KLF12: variants seen among roughly 807,000 people sequenced by gnomAD.
KLF12 encodes the protein KLF transcription factor 12.
In KLF12, 9 loss-of-function variants were observed where a neutral mutation model predicts 37.8. The ratio of observed to expected loss-of-function variants is 0.24; its 90% confidence interval spans 0.14 to 0.42. The LOEUF is 0.42. KLF12 is among the 10% of genes least tolerant of loss of function. The pLI is 1.00. For synonymous variants in KLF12, 208 were observed against 202.1 expected (o/e 1.03, Z -0.25); for missense variants, 411 against 516.0 (o/e 0.80, Z 1.97).
chr13:73,853,696 G>A (rs139263642), intron 3 of KLF12, among the ~76,000 whole-genome samples: 152 of 150,780 alleles, frequency 1.0e-3, no homozygotes, highest in African/African-American at 3.4e-3. Flanking sequence ...CTGAGATTGC[G>A]CCACTGCACT....
intron 3 of KLF12, among the ~76,000 whole-genome samples, chr13:73,893,339 T>G (rs1887602572): frequency 6.6e-6 from 1 of 151,622 alleles, no homozygotes; most frequent in Admixed American, 6.6e-5. Flanking sequence ...AGTCTCATTG[T>G]TTTAGAATGC....
At chr13:74,093,430 T>C (rs938984266) in intron 1 of KLF12, among the ~76,000 whole-genome samples, 1 of 152,170 alleles carries the variant, frequency 6.6e-6, no homozygotes, top group Non-Finnish European at 1.5e-5. Context: ...ATTTCCAACA[T>C]TGTGAGCACA....
the KLF12 span, among the ~76,000 whole-genome samples, chr13:74,290,644 A>G: frequency 3.3e-5 from 5 of 152,264 alleles, no homozygotes; most frequent in Admixed American, 6.5e-5. Flanking sequence ...CGTGAATCTC[A>G]CGTATTATTG....
At chr13:74,260,574 TAAATAA>T in the KLF12 span, among the ~76,000 whole-genome samples, 1 of 100,318 alleles carries the variant, frequency 1.0e-5, no homozygotes, top group Admixed American at 9.8e-5. Flanking sequence ...TAAAATAAAA[TAAATAA>T]AATAAAATAA....
chr13:74,048,273 C>A (rs149415109), intron 1 of KLF12, among the ~76,000 whole-genome samples: 46 of 152,292 alleles, frequency 3.0e-4, no homozygotes, highest in Middle Eastern at 3.4e-3. Flanking sequence ...TAAGCAGCCA[C>A]ACACACAATG....
In KLF12 at chr13:73,968,719, T is replaced by C. The variant is rs146803083; in HGVS notation, c.34-24649A>G. 9.8e-5 allele frequency among the ~76,000 whole-genome samples: 15 copies of C among 152,328 alleles called. 2 individuals carry two copies. The East Asian group carries it at 2.9e-3, about 29-fold the overall frequency. On this transcript the variant is annotated intron_variant, in intron 2 of 7. Coordinates refer to ENST00000377669, the MANE Select transcript of KLF12 (RefSeq NM_007249.5). ...TTTTTGCAAACTCCACGAGGAAAGA[T>C]AATTTATTCGTCTTTTATTTTCTAG...
At chr13:74,040,112 A>T (rs569435830) in intron 1 of KLF12, among the ~76,000 whole-genome samples, 7 of 152,234 alleles carry the variant, frequency 4.6e-5, no homozygotes, top group African/African-American at 1.7e-4. Context: ...CCACTACATT[A>T]TCTTTCAAAA....
upstream of KLF12, among the ~76,000 whole-genome samples, chr13:74,134,165 G>A (rs1566229231): frequency 6.6e-6 from 1 of 151,098 alleles, no homozygotes; most frequent in East Asian, 2.0e-4. Flanking sequence ...CGCTTGGGGT[G>A]GGGTGGGGTG....
At chr13:73,814,845 T>C (rs1402387117) in intron 4 of KLF12, among the ~76,000 whole-genome samples, 1 of 151,942 alleles carries the variant, frequency 6.6e-6, no homozygotes, top group Non-Finnish European at 1.5e-5. Flanking sequence ...ACAGTCAGCC[T>C]CTCACAGCAA....
intron 3 of KLF12, among the ~76,000 whole-genome samples, chr13:73,930,627 A>T (rs578112498): frequency 6.6e-6 from 1 of 152,326 alleles, no homozygotes; most frequent in Admixed American, 6.5e-5. Context: ...ATGATAAGAC[A>T]TAGTATTTCT....
chr13:73,938,371 T>C (rs190634722), intron 3 of KLF12, among the ~76,000 whole-genome samples: 2 of 152,184 alleles, frequency 1.3e-5, no homozygotes, highest in South Asian at 2.1e-4. Context: ...AAACATTCCA[T>C]AGCACATTTC....
rs112167152 is a variant in KLF12 at position 73,986,742 on chromosome 13, T to C, written c.33+8248A>G. ...AGGTAGAAGGGGAGAACCAGAGAGA[T>C]GGCAGTACCAGAAGGACTTGGCCCA... On this transcript the variant is annotated intron_variant, in intron 2 of 7. Transcript: ENST00000377669. Among the ~76,000 whole-genome samples the C allele has an allele frequency of 3.2e-3, 493 of 152,224 alleles. 2 individuals are homozygous for C. The highest frequency in any genetic ancestry group is 6.8e-3 in the Middle Eastern group (2 of 294).
At chr13:74,177,229 T>C in the KLF12 span, among the ~76,000 whole-genome samples, 2 of 152,184 alleles carry the variant, frequency 1.3e-5, no homozygotes, top group South Asian at 4.1e-4. Flanking sequence ...CCCAGAGCAT[T>C]GAAGCTGAGT....
intron 2 of KLF12, among the ~76,000 whole-genome samples, chr13:73,955,350 T>TA (rs1234664870): frequency 2.6e-5 from 4 of 152,152 alleles, no homozygotes; most frequent in African/African-American, 9.7e-5. Flanking sequence ...ACAGAAATGT[T>TA]AAGAGTTGTT....
In KLF12 at chr13:73,940,933, A is replaced by T. The variant is rs564463844; in HGVS notation, c.123+3048T>A. 2.0e-5 allele frequency among the ~76,000 whole-genome samples: 3 copies of T among 152,360 alleles called. No homozygotes were observed. In the South Asian group the frequency reaches 6.2e-4, roughly 32 times the overall value. ...AGACATGCAGAGCCCACCTGACAGC[A>T]GAAGACCTAAAGGACTCTTTCTAAC... On this transcript the variant is annotated intron_variant, in intron 3 of 7. Coordinates refer to ENST00000377669, the MANE Select transcript of KLF12 (RefSeq NM_007249.5).
the KLF12 span, among the ~76,000 whole-genome samples, chr13:74,251,223 C>G: frequency 6.6e-6 from 1 of 152,102 alleles, no homozygotes; most frequent in Non-Finnish European, 1.5e-5. Context: ...GTTATCTGAG[C>G]TCACTGCAAC....
At chr13:74,040,720 C>T (rs1385558859) in intron 1 of KLF12, among the ~76,000 whole-genome samples, 2 of 152,164 alleles carry the variant, frequency 1.3e-5, no homozygotes. Context: ...AATACACACC[C>T]TACATATAAT....
intron 6 of KLF12, among the ~76,000 whole-genome samples, chr13:73,724,969 C>G (rs549627505): frequency 6.6e-6 from 1 of 151,604 alleles, no homozygotes; most frequent in Non-Finnish European, 1.5e-5. Context: ...TACACACTTA[C>G]GCTATTTCCT....
intron 1 of KLF12, among the ~76,000 whole-genome samples, chr13:74,004,181 G>T (rs1593822263): frequency 1.3e-5 from 2 of 152,116 alleles, no homozygotes; most frequent in Non-Finnish European, 2.9e-5. Flanking sequence ...ATACAGGAAA[G>T]GAAAGCCACT....
Sources: gnomAD v4.1 joint callset for allele counts (sites outside exome capture counted in the v4.1 genomes callset) on GRCh38, gnomAD v4.1.1 for gene constraint, MANE v1.5 for transcripts, NCBI Gene and HGNC (gene_info 2026-07-23, HGNC 2026-07-21) for gene names.